The following ERGIC2 variants were observed in gnomAD, a reference collection of about 807,000 sequenced individuals.
The protein encoded by ERGIC2 is endoplasmic reticulum-Golgi intermediate compartment protein 2.
ERGIC2 carries 31 observed loss-of-function variants against 52.5 expected under a neutral mutation model. That is an observed-to-expected ratio of 0.59 (90% CI 0.44 to 0.80). The LOEUF is 0.80. ERGIC2 is among the 30% of genes least tolerant of loss of function. The pLI, the probability that ERGIC2 is intolerant of heterozygous loss-of-function variation, is 0.00. For missense variants in ERGIC2, 395 were observed against 455.2 expected (o/e 0.87, Z 1.20); for synonymous variants, 129 against 140.6 (o/e 0.92, Z 0.58).
rs957952218 is a variant in ERGIC2 at position 29,369,976 on chromosome 12, T to C, written c.215+138A>G. ...GGTTTCACTTAATGCATGCAATTAA[T>C]GAGAATTTTTCAGGACTATTTCTTC... is the stretch of plus-strand genomic sequence containing the variant. On this transcript the variant is annotated intron_variant, in intron 3 of 13. Transcript: ENST00000360150. The C allele has an allele frequency of 5.5e-6, 4 of 722,732 alleles. No individual in the cohort carries two copies. The East Asian group carries it at 1.5e-4, about 27-fold the overall frequency. The allele number at this position is 722,732 out of a possible 1,614,324, so 44.8% of individuals were successfully genotyped here.
At chr12:29,350,212 A>G (rs1940113079) in intron 8 of ERGIC2, 144 bp from the exon 9 acceptor site, 1 of 561,994 alleles carries the variant, frequency 1.8e-6, no homozygotes, top group Non-Finnish European at 3.2e-6. Flanking sequence ...GACTGAGCAG[A>G]CAAGTCTACT....
At chr12:29,368,894 G>C (rs1940400648) in intron 3 of ERGIC2, among the ~76,000 whole-genome samples, 1 of 151,850 alleles carries the variant, frequency 6.6e-6, no homozygotes. Flanking sequence ...ACTACCAAAA[G>C]TAAATCACCT....
chr12:29,380,049 C>T (rs528603213), intron 1 of ERGIC2, among the ~76,000 whole-genome samples: 4 of 70,504 alleles, frequency 5.7e-5, no homozygotes, highest in East Asian at 4.0e-4. Flanking sequence ...CTAAAGTTCA[C>T]CATCATTTAA....
chr12:29,361,206 T>G (rs1309813007), intron 6 of ERGIC2, among the ~76,000 whole-genome samples: 1 of 151,926 alleles, frequency 6.6e-6, no homozygotes, highest in Non-Finnish European at 1.5e-5. Context: ...GAGCCAAGAT[T>G]GCGCCACTGT....
intron 7 of ERGIC2, among the ~76,000 whole-genome samples, chr12:29,356,899 T>C (rs1940213957): frequency 6.6e-6 from 1 of 152,074 alleles, no homozygotes; most frequent in African/African-American, 2.4e-5. Flanking sequence ...ATTTTCTTCC[T>C]AAGCAAATGT....
chr12:29,356,493 AT>A lies in ERGIC2; in HGVS notation c.477-17del. The A allele has an allele frequency of 2.1e-6, 3 of 1,410,540 alleles. No individual in the cohort carries two copies. The highest frequency in any genetic ancestry group is 3.0e-6 in the Non-Finnish European group (3 of 996,716). The allele number at this position is 1,410,540 out of a possible 1,614,324, so 87.4% of individuals were successfully genotyped here. ...ATCATCTTCTCTGTTAAAATAAGAT[AT>A]ATTATTTAAAGCACATTCAATACAG... is the stretch of plus-strand genomic sequence containing the variant. On this transcript the variant is annotated splice_polypyrimidine_tract_variant and intron_variant, in intron 7 of 13. Transcript: ENST00000360150.
chr12:29,363,167 C>G lies in ERGIC2; in HGVS notation c.334-1482G>C, dbSNP rs769765407. Among the ~76,000 whole-genome samples, 3 of 152,056 alleles carry G rather than the reference C, an allele frequency of 2.0e-5. No homozygotes were observed. In the South Asian group the frequency reaches 6.2e-4, roughly 31 times the overall value. Reference sequence around the variant, plus strand: ...AAAATCACAGATAGTAAGTAACAACCAATACACAAATTCAGCTCTGTCAGA... The same window carrying G: ...AAAATCACAGATAGTAAGTAACAACGAATACACAAATTCAGCTCTGTCAGA... On this transcript the variant is annotated intron_variant, in intron 5 of 13. Transcript: ENST00000360150.
chr12:29,347,896 T>C (rs1940079735), intron 10 of ERGIC2, among the ~76,000 whole-genome samples: 1 of 152,188 alleles, frequency 6.6e-6, no homozygotes, highest in Admixed American at 6.5e-5. Context: ...AGAAGTACAC[T>C]TAAAAACAGC....
chr12:29,347,387 T>C (rs1940067971), intron 10 of ERGIC2, among the ~76,000 whole-genome samples: 2 of 152,314 alleles, frequency 1.3e-5, no homozygotes, highest in Admixed American at 6.5e-5. Context: ...ACCGGCTTCA[T>C]TAATAATAAA....
Position 29,341,769 on chromosome 12 carries a change from G to C in ERGIC2, c.1036C>G (p.Arg346Gly). 6.2e-7 allele frequency: 1 copy of C among 1,601,316 alleles called. No individual in the cohort carries two copies. The highest frequency in any genetic ancestry group is 8.6e-7 in the Non-Finnish European group (1 of 1,168,516). ...GGTTTATAGGATCCAAGTCTGAAAC[G>C]ACAGCAAATTATTTCAACTATAAAT... The part of the protein sequence containing the change: ...GKFIVEIICC[R>G]FRLGSYKPVN... Residue 346 changes from arginine (R) to glycine (G), a missense_variant, in exon 13 of 14, where the codon CGT (arginine) becomes GGT (glycine). Transcript: ENST00000360150.
At position 29,376,678 on chromosome 12, in the gene ERGIC2, A is replaced by G. The variant is rs1170538254; in HGVS notation, c.-38+4437T>C. 3.3e-5 allele frequency among the ~76,000 whole-genome samples: 5 copies of G among 152,198 alleles called. No individual in the cohort carries two copies. In the East Asian group the frequency reaches 9.6e-4, roughly 29 times the overall value. ...CTCTTCATTTTCACTGGTGTTCTCA[A>G]ATCCTTTAAATCCTACCAGATACCC... On this transcript the variant is annotated intron_variant, in intron 1 of 13. Transcript: ENST00000360150.
rs745562719 is a variant in ERGIC2 at position 29,341,236 on chromosome 12, GA to G, written c.1072-19del. On this transcript the variant is annotated intron_variant, in intron 13 of 13. Coordinates refer to ENST00000360150, the MANE Select transcript of ERGIC2 (RefSeq NM_016570.3). ...AAAGGAACCTAAGGAGAAAAGGAGG[GA>G]AAAAAAGACCAAAGAATTAGTTTTA... 21 of 1,587,816 alleles carry G rather than the reference GA, an allele frequency of 1.3e-5. No homozygotes were observed. The highest frequency in any genetic ancestry group is 2.7e-5 in the African/African-American group (2 of 73,612).
chr12:29,364,232 C>G (rs1940326533), intron 5 of ERGIC2, among the ~76,000 whole-genome samples: 1 of 152,116 alleles, frequency 6.6e-6, no homozygotes, highest in South Asian at 2.1e-4. Context: ...AACATACCTA[C>G]ACATTCTTGC....
chr12:29,344,928 C>T (rs1940025561), intron 11 of ERGIC2, among the ~76,000 whole-genome samples: 1 of 152,066 alleles, frequency 6.6e-6, no homozygotes, highest in African/African-American at 2.4e-5. Flanking sequence ...TATGGCCATA[C>T]CACCCTGAGG....
intron 11 of ERGIC2, among the ~76,000 whole-genome samples, chr12:29,345,219 T>C (rs1021291400): frequency 6.6e-6 from 1 of 152,208 alleles, no homozygotes; most frequent in African/African-American, 2.4e-5. Context: ...AGAAAACCTT[T>C]CAGATTTTTT....
intron 6 of ERGIC2, among the ~76,000 whole-genome samples, chr12:29,360,362 A>G (rs1273795968): frequency 6.6e-6 from 1 of 151,478 alleles, no homozygotes; most frequent in African/African-American, 2.4e-5. Context: ...ACTACAATCT[A>G]TCCATAAAAT....
chr12:29,375,036 G>A (rs1404397495), intron 1 of ERGIC2, among the ~76,000 whole-genome samples: 2 of 152,048 alleles, frequency 1.3e-5, no homozygotes, highest in Non-Finnish European at 2.9e-5. Context: ...CACAGTCTAC[G>A]TTCCAACCAT....
In ERGIC2 at chr12:29,370,145, A is replaced by G. The variant is rs1337191493; in HGVS notation, c.184T>C (p.Tyr62His). 1 of 1,542,646 alleles carries G rather than the reference A, an allele frequency of 6.5e-7. No individual in the cohort carries two copies. The highest frequency in any genetic ancestry group is 2.5e-5 in the East Asian group (1 of 40,170). The change falls in exon 3 of 14, where the codon TAT (tyrosine) becomes CAT (histidine). Residue 62 changes from tyrosine (Y) to histidine (H), a missense_variant. Physicochemically the swap from Tyr to His is moderately conservative, Grantham distance 83. Transcript: ENST00000360150. ...FSVYQDTWMK[Y>H]EYEVDKDFSS... is the part of the protein sequence containing the mutation. Reference sequence around the variant, plus strand: ...AAATCCTTGTCTACTTCGTATTCATACTTCATCCATGTATCTTGATATACT... The same window carrying G: ...AAATCCTTGTCTACTTCGTATTCATGCTTCATCCATGTATCTTGATATACT...
At chr12:29,361,008 A>G (rs1940277459) in intron 6 of ERGIC2, among the ~76,000 whole-genome samples, 1 of 152,180 alleles carries the variant, frequency 6.6e-6, no homozygotes, top group African/African-American at 2.4e-5. Context: ...GCCCTCTGGG[A>G]GGCCAACATG....
Sources: allele counts gnomAD v4.1 joint callset (sites outside exome capture counted in the v4.1 genomes callset), GRCh38; gene constraint gnomAD v4.1.1; transcripts MANE v1.5; gene names NCBI Gene and HGNC (gene_info 2026-07-23, HGNC 2026-07-21).